TSEN15: variants seen among roughly 807,000 people sequenced by gnomAD.
The protein encoded by TSEN15 is tRNA-splicing endonuclease subunit Sen15.
In TSEN15, 10 loss-of-function variants were observed where a neutral mutation model predicts 20.5. The ratio of observed to expected loss-of-function variants is 0.49; its 90% CI spans 0.30 to 0.83. The LOEUF is 0.83. Ranked by LOEUF, TSEN15 falls within the 40% of genes least tolerant of loss-of-function variation. TSEN15 has a pLI of 0.06. For missense variants in TSEN15, 180 were observed against 218.6 expected, an observed-to-expected ratio of 0.82 and a Z score of 1.11; for synonymous variants, 72 against 80.1, an observed-to-expected ratio of 0.90 and a Z score of 0.54.
intron 3 of TSEN15, among the ~76,000 whole-genome samples, chr1:184,090,183 C>T (rs774577731): frequency 3.3e-5 from 5 of 152,170 alleles, no homozygotes; most frequent in African/African-American, 4.8e-5. Context: ...ATGGGTGACT[C>T]ACAAAACACT....
At chr1:184,093,121 T>C (rs983356337) in intron 3 of TSEN15, among the ~76,000 whole-genome samples, 2 of 152,240 alleles carry the variant, frequency 1.3e-5, no homozygotes. Flanking sequence ...TTACATCTTC[T>C]TGTGAACACT....
At chr1:184,064,721 T>C (rs1203867319) in intron 3 of TSEN15, among the ~76,000 whole-genome samples, 1 of 152,122 alleles carries the variant, frequency 6.6e-6, no homozygotes, top group African/African-American at 2.4e-5. Context: ...GTCAGAATAT[T>C]AGGAATTGTA....
downstream of TSEN15, among the ~76,000 whole-genome samples, chr1:184,078,463 G>A (rs935489158): frequency 3.3e-5 from 5 of 152,156 alleles, no homozygotes; most frequent in Non-Finnish European, 7.4e-5. Context: ...CTGTAAAAGA[G>A]GTGCCCTCTT....
chr1:184,073,843 A>C lies in TSEN15; in HGVS notation c.*996A>C, dbSNP rs1388172012. 1 of 152,182 alleles carries C rather than the reference A, an allele frequency of 6.6e-6. No homozygotes were observed. Among genetic ancestry groups the C allele is most frequent in the Non-Finnish European group, 1.5e-5 (1 of 68,022 alleles). The allele number at this position is 152,182 out of a possible 1,614,324, so 9.4% of individuals were successfully genotyped here. Reference sequence around the variant, plus strand: ...AAGCAGCCATAGACAATACATAAACAATACGGGCGTGGCTTTGTTCCAGTA... The same window carrying C: ...AAGCAGCCATAGACAATACATAAACCATACGGGCGTGGCTTTGTTCCAGTA... On this transcript the variant is annotated 3_prime_UTR_variant, in exon 5 of 5. Transcript: ENST00000645668.
intron 3 of TSEN15, among the ~76,000 whole-genome samples, chr1:184,059,103 A>G (rs1318816156): frequency 1.3e-5 from 2 of 149,672 alleles, no homozygotes; most frequent in Non-Finnish European, 1.5e-5. Context: ...TCAGATATTT[A>G]ATTGAATGTG....
intron 3 of TSEN15, among the ~76,000 whole-genome samples, chr1:184,058,608 C>T (rs1479150471): frequency 6.6e-6 from 1 of 151,632 alleles, no homozygotes; most frequent in African/African-American, 2.4e-5. Flanking sequence ...GCAATTCCAG[C>T]CTTTCATAGT....
intron 3 of TSEN15, among the ~76,000 whole-genome samples, chr1:184,068,796 A>G (rs1650782749): frequency 6.6e-6 from 1 of 152,212 alleles, no homozygotes; most frequent in African/African-American, 2.4e-5. Context: ...ATTATATCAT[A>G]ATGAGGCAAA....
At chr1:184,058,464 GTA>G (rs1181024549) in intron 3 of TSEN15, among the ~76,000 whole-genome samples, 1 of 151,962 alleles carries the variant, frequency 6.6e-6, no homozygotes, top group Non-Finnish European at 1.5e-5. Context: ...ATGTGTGGGT[GTA>G]TATGTGTGTA....
chr1:184,054,456 G>A (rs781050750), intron 2 of TSEN15, 21 bp downstream of exon 2: 1 of 1,569,072 alleles, frequency 6.4e-7, no homozygotes, highest in African/African-American at 1.3e-5. Context: ...TGTTTATATT[G>A]TTTTGTTATT....
chr1:184,089,225 T>C (rs1409813), intron 3 of TSEN15, among the ~76,000 whole-genome samples: 113,383 of 152,170 alleles, frequency 0.75, 42,565 homozygotes, highest in African/African-American at 0.82. Flanking sequence ...CAGTCTTTGA[T>C]ATCAATCTAA....
At chr1:184,088,223 C>T (rs950262723) in intron 3 of TSEN15, among the ~76,000 whole-genome samples, 2 of 152,002 alleles carry the variant, frequency 1.3e-5, no homozygotes, top group African/African-American at 4.8e-5. Context: ...AGCCACACTG[C>T]GGAGTTATCT....
downstream of TSEN15, among the ~76,000 whole-genome samples, chr1:184,075,908 A>T (rs764162331): frequency 2.8e-3 from 274 of 99,490 alleles, 2 homozygotes; most frequent in South Asian, 0.016. Flanking sequence ...ATATATATAT[A>T]TATTTTTTTT....
intron 3 of TSEN15, among the ~76,000 whole-genome samples, chr1:184,062,007 G>A (rs1351463250): frequency 6.6e-6 from 1 of 152,124 alleles, no homozygotes; most frequent in Non-Finnish European, 1.5e-5. Flanking sequence ...TCAAGTTTCA[G>A]AAGGTCTTGT....
At chr1:184,075,910 A>ATATT (rs760409158), downstream of TSEN15, among the ~76,000 whole-genome samples, 41 of 123,752 alleles carry the variant, frequency 3.3e-4, no homozygotes, top group African/African-American at 1.1e-3. Context: ...ATATATATAT[A>ATATT]TTTTTTTTTT....
intron 3 of TSEN15, among the ~76,000 whole-genome samples, chr1:184,065,220 C>T (rs997496380): frequency 6.6e-6 from 1 of 151,634 alleles, no homozygotes; most frequent in Non-Finnish European, 1.5e-5. Context: ...TTTTTTAGAC[C>T]AATTTTAGAT....
intron 1 of TSEN15, among the ~76,000 whole-genome samples, 164 bp downstream of exon 1, chr1:184,052,054 TTTTG>T (rs1228074807): frequency 6.6e-6 from 1 of 152,090 alleles, no homozygotes; most frequent in Non-Finnish European, 1.5e-5. Flanking sequence ...GCAGCATCGG[TTTTG>T]TTTGTTTAAA....
At chr1:184,084,163 G>T (rs772553530) in intron 3 of TSEN15, among the ~76,000 whole-genome samples, 1 of 151,978 alleles carries the variant, frequency 6.6e-6, no homozygotes, top group Non-Finnish European at 1.5e-5. Context: ...CATTGAAATG[G>T]TTATGTGAGG....
chr1:184,072,413 T>C, intron 4 of TSEN15, 115 bp downstream of exon 4: 1 of 1,011,570 alleles, frequency 9.9e-7, no homozygotes, highest in East Asian at 2.9e-5. Flanking sequence ...ATAGGGAAAA[T>C]TCAAGAAAAA....
chr1:184,067,654 A>AGAG (rs1221771181), intron 3 of TSEN15, among the ~76,000 whole-genome samples: 1 of 152,078 alleles, frequency 6.6e-6, no homozygotes, highest in Non-Finnish European at 1.5e-5. Context: ...ACAGTGGCTC[A>AGAG]CGCCTGTAAT....
Sources: allele counts gnomAD v4.1 joint callset (sites outside exome capture counted in the v4.1 genomes callset), GRCh38; gene constraint gnomAD v4.1.1; transcripts MANE v1.5; gene names NCBI Gene and HGNC (gene_info 2026-07-23, HGNC 2026-07-21).